TCF7L1: variants seen among roughly 807,000 people sequenced by gnomAD.
The protein encoded by TCF7L1 is transcription factor 7-like 1.
A neutral mutation model predicts 63.7 loss-of-function variants in TCF7L1; 18 were observed. That is an observed-to-expected ratio of 0.28 (90% CI 0.20 to 0.42). The LOEUF is 0.42. Ranked by LOEUF, TCF7L1 falls within the 10% of genes least tolerant of loss-of-function variation. TCF7L1 has a pLI of 1.00. For missense variants in TCF7L1, 654 were observed against 779.3 expected (o/e 0.84, Z 1.91); for synonymous variants, 355 against 340.9 (o/e 1.04, Z -0.46).
At chr2:85,273,147 C>T (rs1272156053) in intron 3 of TCF7L1, among the ~76,000 whole-genome samples, 1 of 152,154 alleles carries the variant, frequency 6.6e-6, no homozygotes, top group Non-Finnish European at 1.5e-5. Flanking sequence ...TTCCTGGGCT[C>T]TCCTCCCACC....
At chr2:85,296,657 C>T (rs1220493543) in intron 4 of TCF7L1, among the ~76,000 whole-genome samples, 1 of 152,174 alleles carries the variant, frequency 6.6e-6, no homozygotes, top group Admixed American at 6.5e-5. Flanking sequence ...CCACCTGCAT[C>T]GTTCCTTCTG....
intron 8 of TCF7L1, 62 bp downstream of exon 8, chr2:85,305,465 ACT>A: frequency 1.3e-6 from 2 of 1,539,938 alleles, no homozygotes; most frequent in East Asian, 2.3e-5. Context: ...GGGTGGCCAC[ACT>A]CTGAGCAGCA....
At chr2:85,276,943 T>C (rs1681285884) in intron 3 of TCF7L1, among the ~76,000 whole-genome samples, 1 of 152,032 alleles carries the variant, frequency 6.6e-6, no homozygotes, top group South Asian at 2.1e-4. Flanking sequence ...GGAAATGGGT[T>C]TTGAAGAAGA....
At chr2:85,148,395 G>C (rs1677929850) in intron 3 of TCF7L1, among the ~76,000 whole-genome samples, 1 of 152,108 alleles carries the variant, frequency 6.6e-6, no homozygotes, top group Non-Finnish European at 1.5e-5. Flanking sequence ...GTGTGTCTAG[G>C]GGGGTCTGGA....
chr2:85,167,221 T>G (rs1445808626), intron 3 of TCF7L1: 1 of 153,016 alleles, frequency 6.5e-6, no homozygotes, highest in Non-Finnish European at 1.5e-5. Context: ...TTCTCCTGGC[T>G]GATTCCAGCA....
chr2:85,222,024 C>G (rs959104718), intron 3 of TCF7L1, among the ~76,000 whole-genome samples: 1 of 151,212 alleles, frequency 6.6e-6, no homozygotes, highest in Non-Finnish European at 1.5e-5. Context: ...AAGAGAAAGA[C>G]TCCTAAAGAT....
intron 3 of TCF7L1, among the ~76,000 whole-genome samples, chr2:85,168,404 G>A (rs77426849): frequency 5.8e-4 from 88 of 152,136 alleles, no homozygotes; most frequent in Non-Finnish European, 1.1e-3. Flanking sequence ...GAGTAAGTGT[G>A]GGAACAGTGA....
intron 4 of TCF7L1, among the ~76,000 whole-genome samples, chr2:85,298,141 G>A (rs1681874075): frequency 1.6e-5 from 2 of 124,254 alleles, no homozygotes; most frequent in African/African-American, 3.3e-5. Context: ...TATTTTTACC[G>A]AGATCATGCC....
intron 3 of TCF7L1, among the ~76,000 whole-genome samples, chr2:85,218,931 A>T (rs532449372): frequency 6.6e-6 from 1 of 152,290 alleles, no homozygotes; most frequent in South Asian, 2.1e-4. Flanking sequence ...TGGGATGCTG[A>T]AGCAGGAGGA....
Position 85,220,409 on chromosome 2 carries a change from C to T in TCF7L1, c.442-63086C>T, listed in dbSNP as rs921624034. Among the ~76,000 whole-genome samples, 41 of 151,928 alleles carry T rather than the reference C, an allele frequency of 2.7e-4. 1 individual carries two copies. The highest frequency in any genetic ancestry group is 2.1e-4 in the South Asian group (1 of 4,802). On this transcript the variant is annotated intron_variant, in intron 3 of 11. Coordinates refer to ENST00000282111, the MANE Select transcript of TCF7L1 (RefSeq NM_031283.3). ...TTTTTGAGATGGAGTCTCACTGTCA[C>T]CCAGGCTGGAGTACAGTGGCGCAAT...
At chr2:85,282,323 A>G (rs1361606982) in intron 3 of TCF7L1, among the ~76,000 whole-genome samples, 3 of 152,160 alleles carry the variant, frequency 2.0e-5, no homozygotes, top group Admixed American at 2.0e-4. Context: ...TGGGGCCACC[A>G]CTTTCCGTTA....
intron 3 of TCF7L1, among the ~76,000 whole-genome samples, chr2:85,158,847 C>T (rs1480996439): frequency 6.6e-6 from 1 of 152,230 alleles, no homozygotes; most frequent in Admixed American, 6.5e-5. Flanking sequence ...TGAAGGGCCT[C>T]CTGGTACTGC....
intron 3 of TCF7L1, among the ~76,000 whole-genome samples, chr2:85,268,763 A>T (rs1428726553): frequency 3.8e-5 from 3 of 78,286 alleles, no homozygotes; most frequent in Non-Finnish European, 9.8e-5. Flanking sequence ...CTGAAGCGGC[A>T]GGTTAAAAAA....
chr2:85,251,364 A>C (rs534847174), intron 3 of TCF7L1, among the ~76,000 whole-genome samples: 1 of 152,360 alleles, frequency 6.6e-6, no homozygotes, highest in East Asian at 1.9e-4. Flanking sequence ...CACAAAGAGA[A>C]GCTTGTGAGG....
chr2:85,275,176 C>T lies in TCF7L1; in HGVS notation c.442-8319C>T, dbSNP rs954743089. 2.6e-5 allele frequency among the ~76,000 whole-genome samples: 4 copies of T among 152,334 alleles called. No homozygotes were observed. In the South Asian group the frequency reaches 8.3e-4, roughly 32 times the overall value. ...TTCCTTCCAAAGGAGACCATCTAGT[C>T]CAGGCCCCTGCTTCAGGCTGATGAA... On this transcript the variant is annotated intron_variant, in intron 3 of 11. Transcript: ENST00000282111.
intron 3 of TCF7L1, among the ~76,000 whole-genome samples, chr2:85,205,807 C>A (rs766230256): frequency 1.3e-5 from 2 of 152,204 alleles, no homozygotes; most frequent in African/African-American, 2.4e-5. Flanking sequence ...AGGCGTGAGC[C>A]GCTGCACCCA....
intron 3 of TCF7L1, among the ~76,000 whole-genome samples, chr2:85,143,051 C>T (rs768970206): frequency 6.6e-6 from 1 of 152,146 alleles, no homozygotes; most frequent in Non-Finnish European, 1.5e-5. Flanking sequence ...CTAAACATAG[C>T]CTTTTTCAGG....
intron 10 of TCF7L1, among the ~76,000 whole-genome samples, chr2:85,307,046 G>A (rs1682132059): frequency 6.6e-6 from 1 of 152,206 alleles, no homozygotes; most frequent in Non-Finnish European, 1.5e-5. Context: ...TTAATTCTCA[G>A]GAGGTCAACA....
At position 85,254,066 on chromosome 2, in the gene TCF7L1, G is replaced by A. The variant is rs558105326; in HGVS notation, c.442-29429G>A. On this transcript the variant is annotated intron_variant, in intron 3 of 11. Transcript: ENST00000282111. ...CCATGAAGGGCTCATGGCCTGGAGC[G>A]GGTGGGAGGGCAGGAAGCCCAGCTG... Among the ~76,000 whole-genome samples, 11 of 152,372 alleles carry A rather than the reference G, an allele frequency of 7.2e-5. No individual in the cohort carries two copies. In the South Asian group the frequency reaches 1.0e-3, roughly 14 times the overall value.
Sources: allele counts gnomAD v4.1 joint callset (sites outside exome capture counted in the v4.1 genomes callset), GRCh38; gene constraint gnomAD v4.1.1; transcripts MANE v1.5; gene names NCBI Gene and HGNC (gene_info 2026-07-23, HGNC 2026-07-21).